The following TASOR2 variants were observed in gnomAD, a reference collection of about 807,000 sequenced individuals.
TASOR2 encodes transcription activation suppressor family member 2.
Under a neutral mutation model 199.5 loss-of-function variants are expected in TASOR2, and 84 were observed. The observed-to-expected ratio is 0.42, with a 90% confidence interval of 0.35 to 0.50. The LOEUF (loss-of-function observed/expected upper bound fraction) is 0.50. TASOR2 is among the 20% of genes least tolerant of loss of function. The pLI is 0.02. For missense variants in TASOR2, 2,796 were observed against 2,835.9 expected (o/e 0.99, Z 0.32); for synonymous variants, 1,103 against 1,046.6 (o/e 1.05, Z -1.04).
exon 19 of TASOR2, chr10:5,761,396 A>G: frequency 2.5e-6 from 4 of 1,613,996 alleles, no homozygotes; most frequent in Non-Finnish European, 3.4e-6. Flanking sequence ...ATCATCAACA[A>G]AAGCAGAAAT....
intron 12 of TASOR2, 40 bp downstream of exon 13, chr10:5,735,586 C>T: frequency 6.3e-7 from 1 of 1,587,748 alleles, no homozygotes; most frequent in African/African-American, 1.4e-5. Flanking sequence ...CACCCCAATA[C>T]AGATCTAACA....
chr10:5,735,315 C>T (rs1263437029), exon 12 of TASOR2: 1 of 1,613,598 alleles, frequency 6.2e-7, no homozygotes, highest in African/African-American at 1.3e-5. Context: ...TGCGGAAGTG[C>T]TGACTGCACA....
exon 15 of TASOR2, chr10:5,746,994 C>T (rs374371211): frequency 4.1e-5 from 66 of 1,614,026 alleles, no homozygotes; most frequent in Middle Eastern, 3.3e-4. Context: ...AGAGTCTCCT[C>T]GGCCTATCTT....
At chr10:5,725,172 G>A (rs186809993) in intron 8 of TASOR2, among the ~76,000 whole-genome samples, 7 of 152,100 alleles carry the variant, frequency 4.6e-5, no homozygotes, top group Middle Eastern at 3.4e-3. Flanking sequence ...GACCAAGGCG[G>A]GCGGATCACG....
chr10:5,732,440 C>G (rs1292294495), intron 11 of TASOR2, among the ~76,000 whole-genome samples: 1 of 152,238 alleles, frequency 6.6e-6, no homozygotes, highest in Non-Finnish European at 1.5e-5. Flanking sequence ...GTTTGCCAAG[C>G]CAATCTGTAA....
At position 5,720,557 on chromosome 10, in the gene TASOR2, A is replaced by G; in HGVS notation, c.-86A>G. On this transcript the variant is annotated 5_prime_UTR_variant, in exon 4 of 21. Coordinates refer to ENST00000328090, the Ensembl canonical transcript of TASOR2. The surrounding 1 kb of genome is among the most constrained non-coding windows in gnomAD (Gnocchi z 5.3). ...TTCCTCTTTCAGTATTACTTTTACG[A>G]ACTTTCAGGCAACACCGTTATTGAA... is the stretch of plus-strand genomic sequence containing the variant. The G allele has an allele frequency of 6.2e-7, 1 of 1,602,928 alleles. No homozygotes were observed. The highest frequency in any genetic ancestry group is 8.5e-7 in the Non-Finnish European group (1 of 1,174,586).
At chr10:5,697,749 T>G (rs1203866633) in intron 1 of TASOR2, among the ~76,000 whole-genome samples, 3 of 152,086 alleles carry the variant, frequency 2.0e-5, no homozygotes, top group South Asian at 2.1e-4. Flanking sequence ...ACATGACAAG[T>G]GCCCTACCCC....
rs575012322 is a variant in TASOR2, at chr10:5,722,001, T to C, written c.146+1031T>C. On this transcript the variant is annotated intron_variant, in intron 6 of 20. Transcript: ENST00000328090. This position sits in a 1 kb window ranked among gnomAD's most constrained non-coding sequence, Gnocchi z 4.0. ...AAGGAGACTAAAGAGACGTGATTACTGAATGCATTGTGGCATCTTGGATTG... is the reference window on the plus strand; with the variant it reads ...AAGGAGACTAAAGAGACGTGATTACCGAATGCATTGTGGCATCTTGGATTG... Among the ~76,000 whole-genome samples, 1 of 152,390 alleles carries C rather than the reference T, an allele frequency of 6.6e-6. No individual in the cohort carries two copies. Among genetic ancestry groups the C allele is most frequent in the South Asian group, 2.1e-4 (1 of 4,832 alleles).
chr10:5,748,002 G>C lies in TASOR2; in HGVS notation c.4581G>C (p.Gln1527His). ...AGTGCTATGGTAGGGAGTTAAACCA[G>C]CCTGCCTCAGCTGCCAAATGCACAG... The change falls in exon 15 of 21, where the codon CAG becomes CAC. Residue 1527 changes from glutamine to histidine, a missense_variant. By Grantham distance (24) the Gln-to-His change is conservative. Coordinates refer to ENST00000328090, the Ensembl canonical transcript of TASOR2. The surrounding 1 kb of genome is among the most constrained non-coding windows in gnomAD (Gnocchi z 5.1). 6.2e-7 allele frequency: 1 copy of C among 1,607,852 alleles called. No homozygotes were observed.
exon 15 of TASOR2, chr10:5,747,999 C>T (rs775202931): frequency 6.2e-7 from 1 of 1,607,780 alleles, no homozygotes; most frequent in South Asian, 1.1e-5. Context: ...GGGAGTTAAA[C>T]CAGCCTGCCT....
chr10:5,743,289 G>A (rs943953616), intron 14 of TASOR2, among the ~76,000 whole-genome samples: 4 of 152,224 alleles, frequency 2.6e-5, no homozygotes, highest in African/African-American at 9.6e-5. Context: ...GGACTTGGAG[G>A]TCCTTGGGTG....
intron 1 of TASOR2, among the ~76,000 whole-genome samples, chr10:5,704,844 A>G (rs1277226772): frequency 1.3e-5 from 2 of 152,200 alleles, no homozygotes; most frequent in African/African-American, 2.4e-5. Context: ...TTAAATTTCC[A>G]AACATGAGGC....
In TASOR2 at chr10:5,690,918, C is replaced by T. The variant is rs1472896126; in HGVS notation, c.-288+5743C>T. Reference sequence around the variant, plus strand: ...AAAATTATATGACCTTGAGGCTGGGCGCGGTGGCTCATGCCTGTAATCCCA... The same window carrying T: ...AAAATTATATGACCTTGAGGCTGGGTGCGGTGGCTCATGCCTGTAATCCCA... On this transcript the variant is annotated intron_variant, in intron 1 of 20. Coordinates refer to ENST00000328090, the Ensembl canonical transcript of TASOR2. The surrounding 1 kb of genome is among the most constrained non-coding windows in gnomAD (Gnocchi z 4.8). Among the ~76,000 whole-genome samples, 1 of 152,008 alleles carries T rather than the reference C, an allele frequency of 6.6e-6. No homozygotes were observed. The highest frequency in any genetic ancestry group is 1.5e-5 in the Non-Finnish European group (1 of 68,004).
In TASOR2 at chr10:5,720,496, T is replaced by C. The variant is rs150900433; in HGVS notation, c.-99-48T>C. 1.5e-4 allele frequency: 222 copies of C among 1,471,542 alleles called. No homozygotes were observed. The African/African-American group carries it at 3.0e-3, about 20-fold the overall frequency. The allele number at this position is 1,471,542 out of a possible 1,614,324, so 91.2% of individuals were successfully genotyped here. On this transcript the variant is annotated intron_variant, in intron 3 of 20. Coordinates refer to ENST00000328090, the Ensembl canonical transcript of TASOR2. This position sits in a 1 kb window ranked among gnomAD's most constrained non-coding sequence, Gnocchi z 5.3. The stretch of plus-strand genomic sequence containing the variant: ...GGGGTTGAGAAAAACTTGGTACATA[T>C]GCAGTTCCATAGTGCTACCCTGATA...
chr10:5,693,557 C>G (rs1217596999), intron 1 of TASOR2, among the ~76,000 whole-genome samples: 2 of 152,136 alleles, frequency 1.3e-5, no homozygotes, highest in Non-Finnish European at 2.9e-5. Context: ...TTTGTTTTCT[C>G]TACATTTTCT....
chr10:5,736,445 G>T (rs1835612959), intron 12 of TASOR2, among the ~76,000 whole-genome samples: 1 of 151,800 alleles, frequency 6.6e-6, no homozygotes, highest in Non-Finnish European at 1.5e-5. Flanking sequence ...AGAGAGACGG[G>T]GTTTCACCAT....
At chr10:5,723,723 A>C in exon 7 of TASOR2, 1 of 1,600,994 alleles carries the variant, frequency 6.2e-7, no homozygotes, top group Non-Finnish European at 8.5e-7. Flanking sequence ...GTCTTCCTTG[A>C]AAAAAAGACT....
chr10:5,686,533 T>C (rs1056037401), intron 1 of TASOR2, among the ~76,000 whole-genome samples: 9 of 152,248 alleles, frequency 5.9e-5, no homozygotes, highest in African/African-American at 1.7e-4. Context: ...CTTCAGGTGG[T>C]CATGATAGTA....
rs1835703245 is a variant in TASOR2, at chr10:5,685,440, GTT to G, written c.-288+267_-288+268del. Among the ~76,000 whole-genome samples the G allele has an allele frequency of 6.6e-6, 1 of 152,162 alleles. No individual in the cohort carries two copies. On this transcript the variant is annotated intron_variant, in intron 1 of 20. Coordinates refer to ENST00000328090, the Ensembl canonical transcript of TASOR2. This position sits in a 1 kb window ranked among gnomAD's most constrained non-coding sequence, Gnocchi z 5.4. ...GTGTCATCTTGCCCCTTTCTGAGGC[GTT>G]TCGTTTGCGTCGCCTGTCAGGGGAC...
Sources: allele counts gnomAD v4.1 joint callset (sites outside exome capture counted in the v4.1 genomes callset), GRCh38; gene constraint gnomAD v4.1.1; non-coding constraint Gnocchi (gnomAD v3.1); transcripts MANE v1.5; gene names NCBI Gene and HGNC (gene_info 2026-07-23, HGNC 2026-07-21).